Variants in PCDHA1 observed in about 807,000 individuals in gnomAD.
The protein encoded by PCDHA1 is protocadherin alpha-1.
PCDHA1 carries 42 observed loss-of-function variants against 61.3 expected under a neutral mutation model. The ratio of observed to expected loss-of-function variants is 0.69; its 90% CI spans 0.54 to 0.89. PCDHA1 has a LOEUF of 0.89. Among genes scored for constraint, PCDHA1 ranks in the 40% least tolerant of loss-of-function variants. PCDHA1 has a pLI of 0.00. For synonymous variants in PCDHA1, 610 were observed against 553.8 expected, an observed-to-expected ratio of 1.10 and a Z score of -1.43; for missense variants, 1,256 against 1,235.3, an observed-to-expected ratio of 1.02 and a Z score of -0.25.
At position 141,003,207 on chromosome 5, in the gene PCDHA1, T is replaced by C. The variant is rs141066841; in HGVS notation, c.2543-6420T>C. On this transcript the variant is annotated intron_variant, in intron 3 of 3. Coordinates refer to ENST00000504120, the MANE Select transcript of PCDHA1 (RefSeq NM_018900.4). Reference sequence around the variant, plus strand: ...CATCAACTCAGGCAGCCAGGGTTAGTTTAGCATGAAAGAGGAAAGCTGGAA... The same window carrying C: ...CATCAACTCAGGCAGCCAGGGTTAGCTTAGCATGAAAGAGGAAAGCTGGAA... Among the ~76,000 whole-genome samples the C allele has an allele frequency of 6.3e-3, 959 of 152,338 alleles. 16 individuals carry two copies. The highest frequency in any genetic ancestry group is 0.021 in the African/African-American group (892 of 41,582).
intron 1 of PCDHA1, chr5:140,837,051 A>G (rs1246258340): frequency 3.1e-5 from 6 of 195,270 alleles, no homozygotes. Context: ...AAATATTTAC[A>G]TTTCCATATT....
intron 1 of PCDHA1, among the ~76,000 whole-genome samples, chr5:140,837,390 T>C (rs2150275262): frequency 6.6e-6 from 1 of 152,134 alleles, no homozygotes; most frequent in East Asian, 1.9e-4. Context: ...TGTTCCTTGT[T>C]TGTATAAGAA....
intron 1 of PCDHA1, chr5:140,807,847 C>T (rs782247861): frequency 1.2e-6 from 2 of 1,614,116 alleles, no homozygotes; most frequent in East Asian, 2.2e-5. Flanking sequence ...GAGGCAAACC[C>T]GAGTTGACTG....
intron 1 of PCDHA1, chr5:140,868,929 AG>A: frequency 9.3e-7 from 1 of 1,070,938 alleles, no homozygotes; most frequent in Non-Finnish European, 1.3e-6. Context: ...GTTCATTTAA[AG>A]GTTGGTCTGA....
chr5:140,797,256 C>T (rs781889265), intron 1 of PCDHA1: 2 of 1,614,204 alleles, frequency 1.2e-6, no homozygotes, highest in South Asian at 2.2e-5. Context: ...GGGAGGACCC[C>T]CCCAAGACGG....
At chr5:140,939,011 CT>C (rs1302482579) in intron 1 of PCDHA1, among the ~76,000 whole-genome samples, 3 of 152,262 alleles carry the variant, frequency 2.0e-5, no homozygotes, top group South Asian at 2.1e-4. Flanking sequence ...AGAAGTGTTA[CT>C]TTTCTTTTAC....
chr5:140,966,017 G>A (rs946123044), intron 1 of PCDHA1, among the ~76,000 whole-genome samples: 1 of 152,144 alleles, frequency 6.6e-6, no homozygotes, highest in Non-Finnish European at 1.5e-5. Flanking sequence ...GGGAAGATGT[G>A]GGAGTCAGGT....
chr5:140,998,158 T>C (rs1306702034), intron 3 of PCDHA1, among the ~76,000 whole-genome samples: 1 of 152,232 alleles, frequency 6.6e-6, no homozygotes, highest in Non-Finnish European at 1.5e-5. Context: ...AGTTAAGCCA[T>C]GTGCCAAGTA....
chr5:140,798,990 A>G (rs1554120808), intron 1 of PCDHA1, among the ~76,000 whole-genome samples: 1 of 152,236 alleles, frequency 6.6e-6, no homozygotes. Context: ...ATCCATTTCC[A>G]AGTAATACTT....
intron 1 of PCDHA1, among the ~76,000 whole-genome samples, chr5:140,934,122 TATTA>T (rs2153618298): frequency 6.6e-6 from 1 of 152,300 alleles, no homozygotes; most frequent in East Asian, 1.9e-4. Flanking sequence ...TTTCATACTT[TATTA>T]ATTTATTTCC....
intron 1 of PCDHA1, chr5:140,788,915 T>A: frequency 1.1e-6 from 1 of 951,520 alleles, no homozygotes; most frequent in Non-Finnish European, 1.4e-6. Context: ...AATGGCAGGT[T>A]AAAAAAGCTA....
chr5:140,895,786 A>G (rs2065159984), intron 1 of PCDHA1, among the ~76,000 whole-genome samples: 2 of 152,080 alleles, frequency 1.3e-5, no homozygotes, highest in Non-Finnish European at 2.9e-5. Context: ...GTATTCAATG[A>G]CGTATATGTA....
chr5:140,928,770 C>A, intron 1 of PCDHA1: 4 of 1,614,106 alleles, frequency 2.5e-6, no homozygotes, highest in Non-Finnish European at 2.5e-6. Context: ...TAGTTCTTCC[C>A]ACTGATGCAG....
intron 3 of PCDHA1, among the ~76,000 whole-genome samples, chr5:141,002,792 A>G (rs576285489): frequency 6.6e-6 from 1 of 152,306 alleles, no homozygotes; most frequent in South Asian, 2.1e-4. Context: ...CATTTTATGG[A>G]TGAGGAAACT....
chr5:140,787,159 A>C lies in PCDHA1; in HGVS notation c.869A>C (p.Gln290Pro). 1 of 1,613,884 alleles carries C rather than the reference A, an allele frequency of 6.2e-7. No homozygotes were observed. The highest frequency in any genetic ancestry group is 8.5e-7 in the Non-Finnish European group (1 of 1,179,916). ...GACAGTGGTATTTCTCGTGACATTC[A>C]AGAAAAATTCAAAGTTGATTCCAGC... ...SFDSGISRDIQEKFKVDSSSG... is the reference protein window; with the variant it reads ...SFDSGISRDIPEKFKVDSSSG... The change falls in exon 1 of 4, where the codon CAA (glutamine) becomes CCA (proline). Residue 290 changes from glutamine (Q) to proline (P), a missense_variant. Transcript: ENST00000504120.
chr5:140,969,007 A>T, intron 1 of PCDHA1: 2 of 1,614,148 alleles, frequency 1.2e-6, no homozygotes, highest in Non-Finnish European at 1.7e-6. Context: ...GCTTCTGTGG[A>T]GTAAGGGAAA....
chr5:140,810,369 A>G (rs1393479569), intron 1 of PCDHA1: 1 of 152,214 alleles, frequency 6.6e-6, no homozygotes, highest in East Asian at 1.9e-4. Flanking sequence ...TTTGTGGGTC[A>G]CAGAATATGT....
chr5:140,965,401 A>G (rs546046699), intron 1 of PCDHA1, among the ~76,000 whole-genome samples: 2 of 152,284 alleles, frequency 1.3e-5, no homozygotes, highest in African/African-American at 4.8e-5. Flanking sequence ...AAGTCTAAGG[A>G]GTCTTATATT....
At chr5:140,829,723 T>C in intron 1 of PCDHA1, 2 of 1,613,596 alleles carry the variant, frequency 1.2e-6, no homozygotes, top group Non-Finnish European at 1.7e-6. Flanking sequence ...GCGTGCCGCC[T>C]CTGGGCAGCA....
Sources: allele counts gnomAD v4.1 joint callset (sites outside exome capture counted in the v4.1 genomes callset), GRCh38; gene constraint gnomAD v4.1.1; transcripts MANE v1.5; gene names NCBI Gene and HGNC (gene_info 2026-07-23, HGNC 2026-07-21).